MRPS6: variants seen among roughly 807,000 people sequenced by gnomAD.
MRPS6 encodes the protein small ribosomal subunit protein bS6m.
A neutral mutation model predicts 13.1 loss-of-function variants in MRPS6; 6 were observed. That is an observed-to-expected ratio of 0.46 (90% CI 0.25 to 0.91). MRPS6 has a LOEUF of 0.91. Ranked by LOEUF, MRPS6 falls within the 40% of genes least tolerant of loss-of-function variation. The pLI is 0.18. For synonymous variants in MRPS6, 61 were observed against 56.5 expected, an observed-to-expected ratio of 1.08 and a Z score of -0.36; for missense variants, 164 against 155.6, an observed-to-expected ratio of 1.05 and a Z score of -0.29.
intron 2 of MRPS6, among the ~76,000 whole-genome samples, chr21:34,129,958 C>G (rs941336449): frequency 6.6e-6 from 1 of 152,160 alleles, no homozygotes; most frequent in African/African-American, 2.4e-5. Flanking sequence ...GCAGAGGGTA[C>G]CTCAGTTTGA....
intron 1 of MRPS6, chr21:34,122,853 T>C (rs1980168396): frequency 6.6e-6 from 1 of 152,214 alleles, no homozygotes; most frequent in African/African-American, 2.4e-5. Flanking sequence ...TGTGCTGCTG[T>C]TAATAATGAG....
At chr21:34,078,494 A>G (rs574030886) in intron 1 of MRPS6, among the ~76,000 whole-genome samples, 2 of 152,166 alleles carry the variant, frequency 1.3e-5, no homozygotes, top group East Asian at 1.9e-4. Context: ...TTTTTTCTTA[A>G]TTCATGACTC....
chr21:34,097,665 A>G (rs1979031654), intron 1 of MRPS6: 1 of 1,066,084 alleles, frequency 9.4e-7, no homozygotes, highest in Non-Finnish European at 1.1e-6. Flanking sequence ...TTAAGTTACC[A>G]TGAATTAAGG....
chr21:34,073,706 C>A lies in MRPS6; in HGVS notation c.6C>A (p.Pro2=). The change falls in exon 1 of 3, where the codon CCC becomes CCA. Residue 2 remains proline, a synonymous_variant. Coordinates refer to ENST00000399312, the MANE Select transcript of MRPS6 (RefSeq NM_032476.4). The stretch of plus-strand genomic sequence containing the variant: ...CACTCGCCGATCCTCCAGGCATGCC[C>A]CGCTACGAGCTGGCTTTAATCCTGA... The part of the protein sequence containing the change: M[P]RYELALILKA... The A allele has an allele frequency of 2.0e-6, 3 of 1,525,688 alleles. No individual in the cohort carries two copies. The highest frequency in any genetic ancestry group is 2.7e-6 in the Non-Finnish European group (3 of 1,129,764). The allele number at this position is 1,525,688 out of a possible 1,614,324, so 94.5% of individuals were successfully genotyped here.
chr21:34,107,080 C>T (rs1055174293), intron 1 of MRPS6, among the ~76,000 whole-genome samples: 1 of 152,042 alleles, frequency 6.6e-6, no homozygotes, highest in Non-Finnish European at 1.5e-5. Flanking sequence ...TACAGGCATG[C>T]GCCACCACAC....
In MRPS6 at chr21:34,096,822, C is replaced by T. The variant is rs1466534419; in HGVS notation, c.45+23077C>T. The T allele has an allele frequency of 1.9e-6, 3 of 1,614,002 alleles. No individual in the cohort carries two copies. The highest frequency in any genetic ancestry group is 2.5e-6 in the Non-Finnish European group (3 of 1,179,980). ...ACCACCTCCCACAAAGGAACAGATT[C>T]GAACCACCACCTTTTGGTCTAAGAA... On this transcript the variant is annotated intron_variant, in intron 1 of 2. Coordinates refer to ENST00000399312, the MANE Select transcript of MRPS6 (RefSeq NM_032476.4). The surrounding 1 kb of genome is among the most constrained non-coding windows in gnomAD (Gnocchi z 5.9).
intron 1 of MRPS6, among the ~76,000 whole-genome samples, chr21:34,091,087 A>T (rs1978660275): frequency 6.6e-6 from 1 of 152,180 alleles, no homozygotes; most frequent in South Asian, 2.1e-4. Flanking sequence ...TGGCTAAGTG[A>T]ATATTTTTCA....
intron 1 of MRPS6, chr21:34,101,712 AC>A (rs1979245138): frequency 2.0e-6 from 2 of 996,932 alleles, no homozygotes; most frequent in African/African-American, 3.5e-5. Flanking sequence ...AGTATTGAGG[AC>A]TTTTAGATCC....
Position 34,096,181 on chromosome 21 carries a change from T to C in MRPS6, c.45+22436T>C, listed in dbSNP as rs1265427555. The C allele has an allele frequency of 2.5e-6, 4 of 1,614,084 alleles. No homozygotes were observed. The highest frequency in any genetic ancestry group is 3.4e-6 in the Non-Finnish European group (4 of 1,180,014). On this transcript the variant is annotated intron_variant, in intron 1 of 2. Transcript: ENST00000399312. The surrounding 1 kb of genome is among the most constrained non-coding windows in gnomAD (Gnocchi z 5.9). Reference sequence around the variant, plus strand: ...TCCAGGATACTGTTTACTGATGATATAGCTTGCATCAACCCAGAGCACTGC... The same window carrying C: ...TCCAGGATACTGTTTACTGATGATACAGCTTGCATCAACCCAGAGCACTGC...
intron 1 of MRPS6, among the ~76,000 whole-genome samples, chr21:34,110,068 A>G (rs191699766): frequency 1.4e-4 from 22 of 152,294 alleles, no homozygotes; most frequent in African/African-American, 4.6e-4. Flanking sequence ...CTTCCCTGAG[A>G]TAACATGTTG....
chr21:34,099,495 T>G (rs1979132685), intron 1 of MRPS6: 1 of 999,762 alleles, frequency 1.0e-6, no homozygotes, highest in African/African-American at 1.7e-5. Context: ...TTGTAAGAAC[T>G]AAAATTTTCT....
At chr21:34,126,046 AC>A (rs1401581606) in intron 2 of MRPS6, among the ~76,000 whole-genome samples, 1 of 152,352 alleles carries the variant, frequency 6.6e-6, no homozygotes, top group Non-Finnish European at 1.5e-5. Context: ...TTCTTGGAGA[AC>A]AATTTGTAGA....
chr21:34,096,599 A>T lies in MRPS6; in HGVS notation c.45+22854A>T, dbSNP rs763361171. ...CAATTTTCTGGAAGCGCTGCAATGA[A>T]CAAGGGGCTTTCTATGGTGGAATGG... On this transcript the variant is annotated intron_variant, in intron 1 of 2. Coordinates refer to ENST00000399312, the MANE Select transcript of MRPS6 (RefSeq NM_032476.4). The surrounding 1 kb of genome is among the most constrained non-coding windows in gnomAD (Gnocchi z 5.9). The T allele has an allele frequency of 6.2e-7, 1 of 1,613,996 alleles. No individual in the cohort carries two copies. Among genetic ancestry groups the T allele is most frequent in the East Asian group, 2.2e-5 (1 of 44,886 alleles).
chr21:34,099,107 T>G (rs1979111582), intron 1 of MRPS6: 1 of 999,688 alleles, frequency 1.0e-6, no homozygotes, highest in Admixed American at 6.2e-5. Context: ...ATCAGGAGGC[T>G]TTCTGAAGGA....
chr21:34,104,389 G>A (rs1979384954), intron 1 of MRPS6: 1 of 1,000,040 alleles, frequency 1.0e-6, no homozygotes, highest in Non-Finnish European at 1.2e-6. Context: ...CCTCCGAGTA[G>A]CTTGTTTATC....
chr21:34,114,578 T>G (rs186694805), intron 1 of MRPS6, among the ~76,000 whole-genome samples: 299 of 152,282 alleles, frequency 2.0e-3, no homozygotes, highest in African/African-American at 6.9e-3. Flanking sequence ...CCTTTATTTT[T>G]AAAGCTCCCA....
In MRPS6 at chr21:34,142,590, G is replaced by GT; in HGVS notation, c.368_369insT (p.Arg123SerfsTer11). ...GAAAAATTATATTCCACAAAGAAGA[G>GT]GAAGAAGTGAGAAGATTCGCCAGAT... On this transcript the variant is annotated frameshift_variant, in exon 3 of 3. Transcript: ENST00000399312. LOFTEE classifies it high-confidence loss of function. 6.9e-6 allele frequency: 11 copies of GT among 1,600,154 alleles called. No homozygotes were observed. The highest frequency in any genetic ancestry group is 9.4e-6 in the Non-Finnish European group (11 of 1,175,134).
intron 1 of MRPS6, among the ~76,000 whole-genome samples, chr21:34,093,006 A>G (rs1195321249): frequency 6.6e-6 from 1 of 152,180 alleles, no homozygotes; most frequent in African/African-American, 2.4e-5. Flanking sequence ...AGCAGTTTTC[A>G]TTGTAATTGA....
At chr21:34,119,422 A>C (rs543154312) in intron 1 of MRPS6, among the ~76,000 whole-genome samples, 8 of 152,298 alleles carry the variant, frequency 5.3e-5, no homozygotes, top group Middle Eastern at 3.4e-3. Flanking sequence ...ATTGCAAGGA[A>C]ATTTTTTAAA....
Sources: gnomAD v4.1 joint callset for allele counts (sites outside exome capture counted in the v4.1 genomes callset) on GRCh38, gnomAD v4.1.1 for gene constraint, Gnocchi (gnomAD v3.1) non-coding constraint, MANE v1.5 for transcripts, NCBI Gene and HGNC (gene_info 2026-07-23, HGNC 2026-07-21) for gene names.